HYAL4: variants seen among roughly 807,000 people sequenced by gnomAD.
HYAL4 encodes the protein hyaluronidase 4.
Under a neutral mutation model 35.2 loss-of-function variants are expected in HYAL4, and 37 were observed. That is an observed-to-expected ratio of 1.05 (90% CI 0.81 to 1.38). The LOEUF (loss-of-function observed/expected upper bound fraction) is 1.38. Ranked by LOEUF, HYAL4 falls within the 40% of genes most tolerant of loss-of-function variation. The probability of loss-of-function intolerance (pLI) is 0.00; values close to 1 mark genes in which losing one functional copy is unlikely to be tolerated. For missense variants in HYAL4, 572 were observed against 572.4 expected (o/e 1.00, Z 0.01); for synonymous variants, 198 against 203.2 (o/e 0.97, Z 0.22).
At chr7:123,849,144 GTTTAC>G (rs1328496946) in intron 2 of HYAL4, among the ~76,000 whole-genome samples, 3 of 152,072 alleles carry the variant, frequency 2.0e-5, no homozygotes, top group Non-Finnish European at 2.9e-5. Context: ...GGAAAATGCT[GTTTAC>G]TTTAGTGACT....
At chr7:123,864,654 A>G (rs1274982122) in intron 2 of HYAL4, among the ~76,000 whole-genome samples, 1 of 151,782 alleles carries the variant, frequency 6.6e-6, no homozygotes, top group East Asian at 2.0e-4. Flanking sequence ...TGAGGGAAAG[A>G]GGTCTAGGGA....
chr7:123,781,035 G>A, the HYAL4 span, among the ~76,000 whole-genome samples: 1 of 48,060 alleles, frequency 2.1e-5, no homozygotes, highest in African/African-American at 1.1e-4. Flanking sequence ...AGACCTGACC[G>A]TCCCCCAGCC....
chr7:123,808,301 ATG>A, the HYAL4 span, among the ~76,000 whole-genome samples: 1 of 152,086 alleles, frequency 6.6e-6, no homozygotes, highest in Admixed American at 6.6e-5. Context: ...GTACATAAGA[ATG>A]TGTTTCCCTG....
At chr7:123,817,683 T>C in the HYAL4 span, among the ~76,000 whole-genome samples, 11 of 151,618 alleles carry the variant, frequency 7.3e-5, no homozygotes, top group Admixed American at 6.6e-4. Context: ...CTAATTTTTG[T>C]ATTTTTAGTA....
chr7:123,792,665 T>C, the HYAL4 span, among the ~76,000 whole-genome samples: 1 of 152,192 alleles, frequency 6.6e-6, no homozygotes. Context: ...TCTCATGCCC[T>C]GTCTCATCCC....
intron 2 of HYAL4, among the ~76,000 whole-genome samples, chr7:123,860,063 C>A (rs1034181554): frequency 5.9e-5 from 9 of 152,144 alleles, no homozygotes; most frequent in Admixed American, 5.9e-4. Context: ...AGCAGTTTCC[C>A]CCATGCTGTT....
upstream of HYAL4, among the ~76,000 whole-genome samples, chr7:123,842,898 A>G (rs539228498): frequency 8.6e-5 from 13 of 151,940 alleles, no homozygotes; most frequent in African/African-American, 3.1e-4. Flanking sequence ...GTGTCTTTGC[A>G]CGTGAGATGG....
the HYAL4 span, among the ~76,000 whole-genome samples, chr7:123,806,376 A>G: frequency 6.6e-6 from 1 of 151,990 alleles, no homozygotes; most frequent in Admixed American, 6.6e-5. Context: ...AGTGTAGCTC[A>G]TTCTTGGGAA....
chr7:123,805,440 G>A, the HYAL4 span, among the ~76,000 whole-genome samples: 4 of 152,284 alleles, frequency 2.6e-5, no homozygotes, highest in South Asian at 2.1e-4. Flanking sequence ...GAAATGTGGA[G>A]TGTAAAATGT....
At chr7:123,843,223 G>C (rs1295563073), upstream of HYAL4, among the ~76,000 whole-genome samples, 3 of 151,970 alleles carry the variant, frequency 2.0e-5, no homozygotes, top group African/African-American at 7.2e-5. Flanking sequence ...GCATTTGCTT[G>C]TCTGTAAAGT....
the HYAL4 span, among the ~76,000 whole-genome samples, chr7:123,809,150 T>G: frequency 1.3e-5 from 2 of 152,178 alleles, no homozygotes; most frequent in Non-Finnish European, 2.9e-5. Flanking sequence ...TATTTGTCTT[T>G]TGTGTGTTCT....
intron 2 of HYAL4, among the ~76,000 whole-genome samples, chr7:123,863,286 C>T (rs1806615995): frequency 1.3e-5 from 2 of 152,116 alleles, no homozygotes; most frequent in South Asian, 4.1e-4. Context: ...AGAAGATGCT[C>T]AATAAACATT....
At chr7:123,869,752 A>G (rs1332036310) in intron 3 of HYAL4, among the ~76,000 whole-genome samples, 1 of 151,666 alleles carries the variant, frequency 6.6e-6, no homozygotes, top group Non-Finnish European at 1.5e-5. Flanking sequence ...TAATGATGCA[A>G]TCTCGGCTCA....
the HYAL4 span, among the ~76,000 whole-genome samples, chr7:123,821,723 C>T: frequency 6.6e-6 from 1 of 152,132 alleles, no homozygotes; most frequent in African/African-American, 2.4e-5. Flanking sequence ...TTTCCAAGAC[C>T]AGTGTCAAGA....
At chr7:123,856,424 T>C (rs184570553) in intron 2 of HYAL4, among the ~76,000 whole-genome samples, 90 of 152,240 alleles carry the variant, frequency 5.9e-4, no homozygotes, top group African/African-American at 1.9e-3. Flanking sequence ...CTTTCTGTGT[T>C]TTAGTTTTCC....
At chr7:123,828,431 C>CACACACAT (rs1177329909), upstream of HYAL4, among the ~76,000 whole-genome samples, 2 of 142,548 alleles carry the variant, frequency 1.4e-5, no homozygotes, top group African/African-American at 5.3e-5. Context: ...CATAATTACA[C>CACACACAT]ACACACACAC....
the HYAL4 span, among the ~76,000 whole-genome samples, chr7:123,780,725 A>G: frequency 6.6e-6 from 1 of 151,546 alleles, no homozygotes; most frequent in African/African-American, 2.4e-5. Context: ...ATGTACTAAG[A>G]AAAATTCTTC....
At chr7:123,862,215 T>G (rs1339758406) in intron 2 of HYAL4, among the ~76,000 whole-genome samples, 1 of 152,182 alleles carries the variant, frequency 6.6e-6, no homozygotes, top group Non-Finnish European at 1.5e-5. Flanking sequence ...ATATATATTT[T>G]TCATCATTGG....
intron 2 of HYAL4, among the ~76,000 whole-genome samples, chr7:123,862,781 GC>G (rs1353607920): frequency 6.6e-6 from 1 of 152,028 alleles, no homozygotes; most frequent in Non-Finnish European, 1.5e-5. Context: ...TCCCTTAAAG[GC>G]TTGCCTCAAC....
Sources: allele counts gnomAD v4.1 joint callset (sites outside exome capture counted in the v4.1 genomes callset), GRCh38; gene constraint gnomAD v4.1.1; transcripts MANE v1.5; gene names NCBI Gene and HGNC (gene_info 2026-07-23, HGNC 2026-07-21).